The following RB1 variants were observed in gnomAD, a reference collection of about 807,000 sequenced individuals.
RB1 encodes retinoblastoma-associated protein.
Under a neutral mutation model 135.4 loss-of-function variants are expected in RB1, and 18 were observed. The observed-to-expected ratio is 0.13, with a 90% CI of 0.09 to 0.20. The LOEUF (loss-of-function observed/expected upper bound fraction) is 0.20, where lower values mean the gene tolerates loss of function less well. Among genes scored for constraint, RB1 ranks in the 10% least tolerant of loss-of-function variants. The probability of loss-of-function intolerance (pLI) is 1.00; values close to 1 mark genes in which losing one functional copy is unlikely to be tolerated. For missense variants in RB1, 868 were observed against 1,110.0 expected (o/e 0.78, Z 3.10); for synonymous variants, 365 against 373.2 (o/e 0.98, Z 0.25).
intron 21 of RB1, 117 bp from the exon 22 acceptor site, chr13:48,464,877 CCAGT>C: frequency 9.0e-6 from 10 of 1,105,908 alleles, no homozygotes; most frequent in Non-Finnish European, 1.2e-5. Context: ...GTGCTTCTTA[CCAGT>C]CAAAAAGTAT....
intron 2 of RB1, chr13:48,316,719 TCACACACACACA>T (rs60176662): frequency 0.086 from 9,244 of 107,450 alleles, 502 homozygotes; most frequent in South Asian, 0.11. Flanking sequence ...CACAGAACCA[TCACACACACACA>T]CACACACACA....
intron 17 of RB1, among the ~76,000 whole-genome samples, chr13:48,409,570 A>ATTTTTTTTTTTTT (rs5803435): frequency 1.7e-5 from 1 of 59,694 alleles, no homozygotes; most frequent in African/African-American, 6.5e-5. Flanking sequence ...GAACTGCTTG[A>ATTTTTTTTTTTTT]TTTTTTTTTT....
chr13:48,452,926 AT>A, intron 17 of RB1, 66 bp from the exon 18 acceptor site: 1 of 1,598,882 alleles, frequency 6.3e-7, no homozygotes, highest in Non-Finnish European at 8.5e-7. Flanking sequence ...AAACAATATG[AT>A]TTTGATATGT....
intron 17 of RB1, among the ~76,000 whole-genome samples, chr13:48,387,082 A>G (rs1291328120): frequency 2.0e-5 from 3 of 152,180 alleles, no homozygotes; most frequent in African/African-American, 7.2e-5. Flanking sequence ...CTCTTTCCAT[A>G]TGAGGCCAGA....
chr13:48,388,440 A>T (rs777463908), intron 17 of RB1, among the ~76,000 whole-genome samples: 3 of 152,190 alleles, frequency 2.0e-5, no homozygotes, highest in Non-Finnish European at 4.4e-5. Context: ...AAGATTATGG[A>T]CCATAAAAAA....
At chr13:48,351,091 G>A (rs1430863859) in intron 6 of RB1, among the ~76,000 whole-genome samples, 1 of 152,138 alleles carries the variant, frequency 6.6e-6, no homozygotes, top group Non-Finnish European at 1.5e-5. Flanking sequence ...CTTTGAGTAT[G>A]TACTCAGTAA....
intron 4 of RB1, among the ~76,000 whole-genome samples, chr13:48,347,404 T>A (rs4151474): frequency 0.11 from 16,178 of 152,118 alleles, 2,455 homozygotes; most frequent in African/African-American, 0.33. Context: ...AATCTTGGGC[T>A]TTGCCCTGCA....
In RB1 at chr13:48,336,610, A is replaced by G. The variant is rs190765383; in HGVS notation, c.265-5989A>G. On this transcript the variant is annotated intron_variant, in intron 2 of 26. Coordinates refer to ENST00000267163, the MANE Select transcript of RB1 (RefSeq NM_000321.3). ...TATTAGTCTTGCTAGTGGTCTATCAATTTTGTTGATCTTTTCAAAAAGCCA... is the reference window on the plus strand; with the variant it reads ...TATTAGTCTTGCTAGTGGTCTATCAGTTTTGTTGATCTTTTCAAAAAGCCA... Among the ~76,000 whole-genome samples, 1,401 of 151,826 alleles carry G rather than the reference A, an allele frequency of 9.2e-3. 22 individuals carry two copies. Among genetic ancestry groups the G allele is most frequent in the African/African-American group, 0.032 (1,335 of 41,384 alleles).
intron 2 of RB1, chr13:48,341,166 A>G (rs977367823): frequency 6.6e-6 from 1 of 152,074 alleles, no homozygotes; most frequent in African/African-American, 2.4e-5. Context: ...ATTTCATATG[A>G]AAGGAATTAT....
rs1006713138 is a variant in RB1 at position 48,466,036 on chromosome 13, C to T, written c.2489+668C>T. On this transcript the variant is annotated intron_variant, in intron 23 of 26. Coordinates refer to ENST00000267163, the MANE Select transcript of RB1 (RefSeq NM_000321.3). ...AGGTAAACAAAGCAGCCGGGAAGCT[C>T]GAACTGGGTGGAGCCCACCACAGGT... Among the ~76,000 whole-genome samples the T allele has an allele frequency of 3.6e-3, 548 of 150,406 alleles. 5 individuals carry two copies. The highest frequency in any genetic ancestry group is 0.013 in the African/African-American group (516 of 41,142).
At chr13:48,431,473 C>T (rs1949128982) in intron 17 of RB1, among the ~76,000 whole-genome samples, 1 of 152,202 alleles carries the variant, frequency 6.6e-6, no homozygotes, top group African/African-American at 2.4e-5. Context: ...AGCTCTTTAA[C>T]AGATACTGAT....
intron 20 of RB1, among the ~76,000 whole-genome samples, chr13:48,463,436 T>G (rs1177539908): frequency 6.6e-6 from 1 of 152,202 alleles, no homozygotes; most frequent in African/African-American, 2.4e-5. Context: ...AATTAACTGA[T>G]TCTACTTTCA....
rs773229202 is a variant in RB1 at position 48,464,590 on chromosome 13, A to G, written c.2212-408A>G. On this transcript the variant is annotated intron_variant, in intron 21 of 26. Coordinates refer to ENST00000267163, the MANE Select transcript of RB1 (RefSeq NM_000321.3). ...GATTGGGGGGGATACCGGGAGGTAC[A>G]GGCCAGAGAATGTAGTCCAAATATT... 3.3e-5 allele frequency among the ~76,000 whole-genome samples: 5 copies of G among 152,322 alleles called. No homozygotes were observed. The East Asian group carries it at 9.6e-4, about 29-fold the overall frequency.
At chr13:48,456,426 T>C (rs2138332010) in intron 19 of RB1, 77 bp downstream of exon 19, 1 of 1,560,580 alleles carries the variant, frequency 6.4e-7, no homozygotes, top group Non-Finnish European at 8.7e-7. Flanking sequence ...TCTTCTACTT[T>C]CTAGGTACAT....
At chr13:48,317,821 C>T in intron 2 of RB1, 1 of 365,328 alleles carries the variant, frequency 2.7e-6, no homozygotes. Flanking sequence ...CCACTGACTC[C>T]GCGTGCACAC....
chr13:48,479,983 T>C lies in RB1; in HGVS notation c.2714-15T>C. ...TACCATCAATGCTGTTAACAGTTCTTCATCCTTTTTCCAGCTTCTACTCGA... is the reference window on the plus strand; with the variant it reads ...TACCATCAATGCTGTTAACAGTTCTCCATCCTTTTTCCAGCTTCTACTCGA... On this transcript the variant is annotated splice_polypyrimidine_tract_variant and intron_variant, in intron 26 of 26. Transcript: ENST00000267163. 1 of 1,609,160 alleles carries C rather than the reference T, an allele frequency of 6.2e-7. No homozygotes were observed. The highest frequency in any genetic ancestry group is 8.5e-7 in the Non-Finnish European group (1 of 1,176,230).
intron 8 of RB1, 81 bp downstream of exon 8, chr13:48,363,038 GT>G: frequency 5.2e-6 from 8 of 1,531,208 alleles, no homozygotes; most frequent in Non-Finnish European, 6.3e-6. Flanking sequence ...TACTTCTTTT[GT>G]TATGAGCATG....
chr13:48,336,532 T>C (rs1316202368), intron 2 of RB1, among the ~76,000 whole-genome samples: 1 of 152,132 alleles, frequency 6.6e-6, no homozygotes, highest in Non-Finnish European at 1.5e-5. Context: ...TGTGGTGATA[T>C]CCCCTTTATC....
At position 48,411,668 on chromosome 13, in the gene RB1, A is replaced by G. The variant is rs944321155; in HGVS notation, c.1695+30225A>G. On this transcript the variant is annotated intron_variant, in intron 17 of 26. Coordinates refer to ENST00000267163, the MANE Select transcript of RB1 (RefSeq NM_000321.3). The stretch of plus-strand genomic sequence containing the variant: ...CAAATGTTTGTGTTCTCACAAGAGA[A>G]TATAAAATAAGATTGATATTGTAAG... The G allele has an allele frequency of 5.0e-6, 8 of 1,611,080 alleles. No homozygotes were observed. Among genetic ancestry groups the G allele is most frequent in the Non-Finnish European group, 6.8e-6 (8 of 1,177,522 alleles).
Sources: gnomAD v4.1 joint callset for allele counts (sites outside exome capture counted in the v4.1 genomes callset) on GRCh38, gnomAD v4.1.1 for gene constraint, MANE v1.5 for transcripts, NCBI Gene and HGNC (gene_info 2026-07-23, HGNC 2026-07-21) for gene names.